The following IL1RAPL1 variants were observed in gnomAD, a reference collection of about 807,000 sequenced individuals.
The protein encoded by IL1RAPL1 is interleukin 1 receptor accessory protein like 1.
In IL1RAPL1, 3 loss-of-function variants were observed where a neutral mutation model predicts 48.4. That is an observed-to-expected ratio of 0.06 (90% confidence interval 0.03 to 0.16). The LOEUF is 0.16. IL1RAPL1 is among the 10% of genes least tolerant of loss of function. The pLI, the probability that IL1RAPL1 is intolerant of heterozygous loss-of-function variation, is 1.00. For missense variants in IL1RAPL1, 349 were observed against 530.6 expected (o/e 0.66, Z 3.36); for synonymous variants, 185 against 187.7 (o/e 0.99, Z 0.12).
chrX:28,755,000 TG>T (rs1277520619), intron 1 of IL1RAPL1, among the ~76,000 whole-genome samples: 2 of 109,248 alleles, frequency 1.8e-5, no homozygotes, highest in East Asian at 6.9e-4. Context: ...TTTTTTGTTT[TG>T]TTTTTTTTTG....
chrX:28,821,436 G>A (rs768998488), intron 2 of IL1RAPL1, among the ~76,000 whole-genome samples: 3 of 107,684 alleles, frequency 2.8e-5, no homozygotes, highest in African/African-American at 1.1e-4. Context: ...TCCAGTAACA[G>A]TATGTAAAAT....
intron 2 of IL1RAPL1, among the ~76,000 whole-genome samples, chrX:29,124,516 C>A (rs1207290335): frequency 8.9e-6 from 1 of 112,394 alleles, no homozygotes; most frequent in Admixed American, 9.5e-5. Flanking sequence ...ATAAAAAAGG[C>A]TCTGCCTCCA....
chrX:28,625,134 C>T (rs1177493271), intron 1 of IL1RAPL1, among the ~76,000 whole-genome samples: 1 of 111,639 alleles, frequency 9.0e-6, no homozygotes, highest in Non-Finnish European at 1.9e-5. Context: ...CTTTTCGCTT[C>T]TCAATTGCAG....
intron 2 of IL1RAPL1, among the ~76,000 whole-genome samples, chrX:29,067,487 C>CAATG (rs1306345412): frequency 2.7e-5 from 3 of 112,051 alleles, no homozygotes; most frequent in Non-Finnish European, 3.8e-5. Flanking sequence ...TGGAGTGTTC[C>CAATG]ACGAAACAGC....
At chrX:29,308,235 T>C (rs1364823830) in intron 3 of IL1RAPL1, among the ~76,000 whole-genome samples, 1 of 111,848 alleles carries the variant, frequency 8.9e-6, no homozygotes, top group Non-Finnish European at 1.9e-5. Flanking sequence ...TTGGCTTTAT[T>C]CTTAGGTAGG....
At chrX:28,905,032 G>T (rs1225981420) in intron 2 of IL1RAPL1, among the ~76,000 whole-genome samples, 1 of 111,013 alleles carries the variant, frequency 9.0e-6, no homozygotes, top group Non-Finnish European at 1.9e-5. Flanking sequence ...CTTCTTTGAA[G>T]TTTATGTTTT....
At chrX:29,570,792 A>G (rs1339247930) in intron 5 of IL1RAPL1, among the ~76,000 whole-genome samples, 1 of 112,546 alleles carries the variant, frequency 8.9e-6, no homozygotes, top group Non-Finnish European at 1.9e-5. Context: ...TCACTTGCCC[A>G]CAAAAGGTTG....
intron 3 of IL1RAPL1, among the ~76,000 whole-genome samples, chrX:29,337,188 C>T (rs1933008017): frequency 9.0e-6 from 1 of 111,294 alleles, no homozygotes; most frequent in African/African-American, 3.3e-5. Context: ...TAAAAAATAA[C>T]CAAGGAAATG....
At position 29,664,204 on chromosome X, in the gene IL1RAPL1, A is replaced by T. The variant is rs1048409310; in HGVS notation, c.704-4226A>T. 3.6e-5 allele frequency among the ~76,000 whole-genome samples: 4 copies of T among 111,466 alleles called. No individual in the cohort carries two copies. The East Asian group carries it at 8.4e-4, about 23-fold the overall frequency. On this transcript the variant is annotated intron_variant, in intron 5 of 10. Transcript: ENST00000378993. The stretch of plus-strand genomic sequence containing the variant: ...CGGATCACGAGGTCAGGAGATCGAG[A>T]CCAGCCTGACTAACGCGGTGAAACC...
At chrX:29,305,673 A>G (rs1932605625) in intron 3 of IL1RAPL1, among the ~76,000 whole-genome samples, 1 of 111,960 alleles carries the variant, frequency 8.9e-6, no homozygotes, top group Non-Finnish European at 1.9e-5. Flanking sequence ...ATGAGGAAGT[A>G]AATAAGCACC....
chrX:29,954,394 G>C (rs1191177171), intron 9 of IL1RAPL1, 128 bp from the exon 10 acceptor site: 2 of 528,864 alleles, frequency 3.8e-6, no homozygotes, highest in Non-Finnish European at 3.3e-6. Flanking sequence ...CTTAATGAAG[G>C]CTTCATTTTT....
intron 3 of IL1RAPL1, among the ~76,000 whole-genome samples, chrX:29,366,813 C>T (rs959123545): frequency 1.4e-4 from 15 of 110,301 alleles, no homozygotes; most frequent in Non-Finnish European, 2.5e-4. Context: ...GTGATCCGCC[C>T]GCCTCGGCCT....
chrX:29,532,939 C>G (rs1921091989), intron 5 of IL1RAPL1, among the ~76,000 whole-genome samples: 1 of 111,676 alleles, frequency 9.0e-6, no homozygotes, highest in Non-Finnish European at 1.9e-5. Flanking sequence ...CTAACAACTC[C>G]CTCTAAAGAA....
intron 6 of IL1RAPL1, among the ~76,000 whole-genome samples, chrX:29,685,752 C>T (rs749372655): frequency 4.4e-4 from 48 of 109,978 alleles, no homozygotes; most frequent in Non-Finnish European, 8.7e-4. Flanking sequence ...TTTGGGAGGC[C>T]GAGGTGGGTG....
At chrX:29,572,814 C>T (rs1345989428) in intron 5 of IL1RAPL1, among the ~76,000 whole-genome samples, 1 of 112,252 alleles carries the variant, frequency 8.9e-6, no homozygotes, top group Non-Finnish European at 1.9e-5. Context: ...ACTATGACAG[C>T]AGAAGTATTT....
chrX:28,987,216 G>A (rs187671406), intron 2 of IL1RAPL1, among the ~76,000 whole-genome samples: 1 of 112,394 alleles, frequency 8.9e-6, no homozygotes, highest in Non-Finnish European at 1.9e-5. Context: ...CAATTTAACA[G>A]TAGTCTGCCT....
chrX:29,945,681 A>G (rs1933202146), intron 9 of IL1RAPL1, among the ~76,000 whole-genome samples: 1 of 112,021 alleles, frequency 8.9e-6, no homozygotes, highest in Admixed American at 9.5e-5. Flanking sequence ...TCCAAGATAT[A>G]CAGCCATTTT....
chrX:28,927,873 T>G (rs1273691084), intron 2 of IL1RAPL1, among the ~76,000 whole-genome samples: 1 of 111,467 alleles, frequency 9.0e-6, no homozygotes, highest in Non-Finnish European at 1.9e-5. Flanking sequence ...CTTCATACTT[T>G]TTTTTGGATT....
intron 6 of IL1RAPL1, among the ~76,000 whole-genome samples, chrX:29,868,216 A>T (rs949534592): frequency 1.8e-5 from 2 of 112,335 alleles, no homozygotes; most frequent in Non-Finnish European, 3.8e-5. Context: ...TTTAATTTTC[A>T]TCTTATTTAA....
Sources: gnomAD v4.1 joint callset for allele counts (sites outside exome capture counted in the v4.1 genomes callset) on GRCh38, gnomAD v4.1.1 for gene constraint, MANE v1.5 for transcripts, NCBI Gene and HGNC (gene_info 2026-07-23, HGNC 2026-07-21) for gene names.